The following TP63 variants were observed in gnomAD, a reference collection of about 807,000 sequenced individuals.
TP63 encodes tumor protein p63, also known as tumor protein 63.
Under a neutral mutation model 82.8 loss-of-function variants are expected in TP63, and 17 were observed. The ratio of observed to expected loss-of-function variants is 0.21; its 90% CI spans 0.14 to 0.31. The LOEUF (loss-of-function observed/expected upper bound fraction) is 0.31. Ranked by LOEUF, TP63 falls within the 10% of genes least tolerant of loss-of-function variation. The pLI, the probability that TP63 is intolerant of heterozygous loss-of-function variation, is 1.00. For synonymous variants in TP63, 330 were observed against 321.7 expected, an observed-to-expected ratio of 1.03 and a Z score of -0.28; for missense variants, 648 against 895.3, an observed-to-expected ratio of 0.72 and a Z score of 3.52.
intron 1 of TP63, among the ~76,000 whole-genome samples, chr3:189,730,118 T>A (rs1317284130): frequency 2.0e-5 from 3 of 152,192 alleles, no homozygotes; most frequent in African/African-American, 7.2e-5. Context: ...ATAAATTGGA[T>A]GGATGGATAG....
chr3:189,661,401 G>A (rs1713868302), intron 1 of TP63, among the ~76,000 whole-genome samples: 1 of 151,944 alleles, frequency 6.6e-6, no homozygotes, highest in African/African-American at 2.4e-5. Context: ...GTTGAACCCA[G>A]CGTGCATCCC....
chr3:189,763,052 C>T (rs1461714950), intron 3 of TP63, among the ~76,000 whole-genome samples: 2 of 152,138 alleles, frequency 1.3e-5, no homozygotes, highest in Non-Finnish European at 2.9e-5. Context: ...AGGAGGATAG[C>T]TTGAGCTTGG....
At chr3:189,633,842 T>C (rs1469384228) in intron 1 of TP63, among the ~76,000 whole-genome samples, 1 of 152,156 alleles carries the variant, frequency 6.6e-6, no homozygotes, top group Non-Finnish European at 1.5e-5. Flanking sequence ...CGGAAGACAT[T>C]GCAAATACAA....
chr3:189,610,241 A>C, the TP63 span, among the ~76,000 whole-genome samples: 49 of 152,152 alleles, frequency 3.2e-4, no homozygotes, highest in African/African-American at 1.1e-3. Context: ...TTCTCTTGTA[A>C]ATTTTTTTAA....
At chr3:189,867,739 A>G (rs1717908129) in intron 6 of TP63, 94 bp from the exon 7 acceptor site, 1 of 1,132,512 alleles carries the variant, frequency 8.8e-7, no homozygotes, top group African/African-American at 1.5e-5. Context: ...TCACTTCATC[A>G]GAAGTGGAAT....
At chr3:189,615,822 G>T in the TP63 span, among the ~76,000 whole-genome samples, 14 of 152,298 alleles carry the variant, frequency 9.2e-5, no homozygotes, top group Middle Eastern at 3.4e-3. Flanking sequence ...CTTCTCTATT[G>T]ACTTCCAATG....
At position 189,896,076 on chromosome 3, in the gene TP63, C is replaced by A. The variant is rs1448605773; in HGVS notation, c.*1574C>A. On this transcript the variant is annotated 3_prime_UTR_variant, in exon 14 of 14. Coordinates refer to ENST00000264731, the MANE Select transcript of TP63 (RefSeq NM_003722.5). ...ACATGTTAATGACAATATTCCAGAT[C>A]TTTCAGAAATATAACACATTTTTTT... The A allele has an allele frequency of 3.1e-5, 7 of 225,168 alleles. No homozygotes were observed. Among genetic ancestry groups the A allele is most frequent in the Non-Finnish European group, 5.3e-5 (6 of 112,864 alleles). 13.9% of individuals were successfully genotyped at this position (225,168 alleles called of 1,614,324 possible).
intron 3 of TP63, among the ~76,000 whole-genome samples, chr3:189,749,515 T>C (rs1721637842): frequency 1.3e-5 from 2 of 151,990 alleles, no homozygotes; most frequent in Non-Finnish European, 2.9e-5. Context: ...AGTTAGTTTA[T>C]TTTTCAAATG....
At chr3:189,642,278 T>C (rs552544155) in intron 1 of TP63, among the ~76,000 whole-genome samples, 2 of 152,344 alleles carry the variant, frequency 1.3e-5, no homozygotes, top group South Asian at 4.1e-4. Context: ...CCTCAACGTT[T>C]GATTTTGTAT....
At chr3:189,873,153 C>T (rs1718644343) in intron 10 of TP63, 158 bp downstream of exon 10, 2 of 1,047,324 alleles carry the variant, frequency 1.9e-6, no homozygotes, top group African/African-American at 1.6e-5. Flanking sequence ...TCAGTTGCAA[C>T]CTTTTTTACG....
At chr3:189,813,596 T>G (rs75257492) in intron 4 of TP63, among the ~76,000 whole-genome samples, 23 of 90,586 alleles carry the variant, frequency 2.5e-4, no homozygotes, top group South Asian at 3.4e-4. Flanking sequence ...CCTCAGGTTG[T>G]TTTTTTTTTT....
intron 1 of TP63, among the ~76,000 whole-genome samples, chr3:189,731,221 G>A (rs1225886766): frequency 6.6e-6 from 1 of 152,154 alleles, no homozygotes; most frequent in Non-Finnish European, 1.5e-5. Flanking sequence ...GTGCATGCCT[G>A]TAATCCCAGC....
At chr3:189,747,698 A>G (rs1721482288) in intron 3 of TP63, among the ~76,000 whole-genome samples, 1 of 152,044 alleles carries the variant, frequency 6.6e-6, no homozygotes, top group African/African-American at 2.4e-5. Context: ...AACAAACCAG[A>G]TAGAAAATTA....
At chr3:189,777,744 T>G (rs986006582) in intron 3 of TP63, among the ~76,000 whole-genome samples, 10 of 150,256 alleles carry the variant, frequency 6.7e-5, no homozygotes, top group Admixed American at 3.4e-4. Flanking sequence ...TTCACCCGAC[T>G]TTGTAAACAT....
chr3:189,649,352 C>A lies in TP63; in HGVS notation c.62+17775C>A, dbSNP rs182761068. On this transcript the variant is annotated intron_variant, in intron 1 of 13. Transcript: ENST00000264731. ...ATGGATAGAACTGGAGGCTATTATT[C>A]TTAGCAAACTGATGCAGGAATAGAA... 6.2e-4 allele frequency among the ~76,000 whole-genome samples: 91 copies of A among 146,832 alleles called. 10 individuals carry two copies. The highest frequency in any genetic ancestry group is 2.2e-3 in the African/African-American group (88 of 39,250).
chr3:189,670,116 T>C (rs1479479998), intron 1 of TP63, among the ~76,000 whole-genome samples: 2 of 151,912 alleles, frequency 1.3e-5, no homozygotes, highest in African/African-American at 4.8e-5. Flanking sequence ...AAAGAGACAA[T>C]CAGGAAGAAA....
chr3:189,611,464 C>T, the TP63 span, among the ~76,000 whole-genome samples: 1 of 151,996 alleles, frequency 6.6e-6, no homozygotes, highest in African/African-American at 2.4e-5. Flanking sequence ...AGATGTGAGG[C>T]CTTATTGCTG....
Position 189,897,082 on chromosome 3 carries a change from G to A in TP63, c.*2580G>A, listed in dbSNP as rs1157075666. 3 of 223,276 alleles carry A rather than the reference G, an allele frequency of 1.3e-5. No individual in the cohort carries two copies. The highest frequency in any genetic ancestry group is 6.7e-5 in the African/African-American group (3 of 44,660). The allele number at this position is 223,276 out of a possible 1,614,324, so 13.8% of individuals were successfully genotyped here. A position where few individuals can be genotyped will look rare whatever the true frequency, so the allele number is the denominator to read the frequency against. On this transcript the variant is annotated 3_prime_UTR_variant, in exon 14 of 14. Coordinates refer to ENST00000264731, the MANE Select transcript of TP63 (RefSeq NM_003722.5). ...TATAATTGTACAAAATTAAGCAAAT[G>A]TTAAAAGTTTTATATGCTTTATTAA...
At chr3:189,695,987 T>C (rs1054642712) in intron 1 of TP63, among the ~76,000 whole-genome samples, 1 of 152,204 alleles carries the variant, frequency 6.6e-6, no homozygotes. Flanking sequence ...ATTTGTAATA[T>C]AGTGAGAATA....
Sources: allele counts gnomAD v4.1 joint callset (sites outside exome capture counted in the v4.1 genomes callset), GRCh38; gene constraint gnomAD v4.1.1; transcripts MANE v1.5; gene names NCBI Gene and HGNC (gene_info 2026-07-23, HGNC 2026-07-21).